The following PRKN variants were observed in gnomAD, a reference collection of about 807,000 sequenced individuals.
PRKN encodes E3 ubiquitin-protein ligase parkin.
Under a neutral mutation model 59.5 loss-of-function variants are expected in PRKN, and 56 were observed. That is an observed-to-expected ratio of 0.94 (90% CI 0.76 to 1.18). PRKN has a LOEUF of 1.18. Ranked by LOEUF, PRKN falls within the 50% of genes most tolerant of loss-of-function variation. The pLI is 0.00. For missense variants in PRKN, 657 were observed against 596.4 expected (o/e 1.10, Z -1.06); for synonymous variants, 250 against 222.1 (o/e 1.13, Z -1.12).
intron 4 of PRKN, among the ~76,000 whole-genome samples, chr6:162,089,226 A>T (rs1476570169): frequency 6.6e-6 from 1 of 152,198 alleles, no homozygotes; most frequent in Non-Finnish European, 1.5e-5. Context: ...CCCAATTAAA[A>T]AATGGGCAAA....
At chr6:162,451,545 T>C (rs1362933959) in intron 1 of PRKN, among the ~76,000 whole-genome samples, 1 of 151,544 alleles carries the variant, frequency 6.6e-6, no homozygotes, top group Non-Finnish European at 1.5e-5. Flanking sequence ...AGCAATACAG[T>C]GAGACCTTAG....
chr6:162,424,488 C>A (rs1034120792), intron 2 of PRKN, among the ~76,000 whole-genome samples: 2 of 152,084 alleles, frequency 1.3e-5, no homozygotes, highest in African/African-American at 4.8e-5. Context: ...GTAATCCCAG[C>A]ACTTTGGGAG....
intron 1 of PRKN, among the ~76,000 whole-genome samples, chr6:162,586,262 G>T (rs1268956477): frequency 6.6e-6 from 1 of 152,146 alleles, no homozygotes; most frequent in East Asian, 1.9e-4. Context: ...TTCTAACTAC[G>T]TGATAAAGCA....
chr6:161,995,331 G>C lies in PRKN; in HGVS notation c.619-21914C>G, dbSNP rs138567940. ...GTATAGAACTACTAGAAGAAAACAA[G>C]GAAAACATTCAGGACATTGGTCTAG... On this transcript the variant is annotated intron_variant, in intron 5 of 11. Coordinates refer to ENST00000366898, the MANE Select transcript of PRKN (RefSeq NM_004562.3). Among the ~76,000 whole-genome samples, 88 of 152,164 alleles carry C rather than the reference G, an allele frequency of 5.8e-4. 2 individuals are homozygous for C. In the East Asian group the frequency reaches 0.012, roughly 20 times the overall value.
chr6:162,158,684 G>T (rs1011731105), intron 4 of PRKN, among the ~76,000 whole-genome samples: 1 of 151,950 alleles, frequency 6.6e-6, no homozygotes, highest in Non-Finnish European at 1.5e-5. Context: ...GCCCGCCTTG[G>T]CCTTCCAAAG....
chr6:161,902,576 T>TTTTTTTTTTTTTTTTC (rs1777973713), intron 6 of PRKN, among the ~76,000 whole-genome samples: 3 of 89,702 alleles, frequency 3.3e-5, no homozygotes, highest in African/African-American at 4.0e-5. Flanking sequence ...TTTTTTTTTT[T>TTTTTTTTTTTTTTTTC]TGCGACAGAG....
At position 162,307,409 on chromosome 6, in the gene PRKN, A is replaced by C. The variant is rs533235211; in HGVS notation, c.172-44644T>G. 3.3e-5 allele frequency among the ~76,000 whole-genome samples: 5 copies of C among 151,040 alleles called. No individual in the cohort carries two copies. The South Asian group carries it at 1.0e-3, about 31-fold the overall frequency. ...AGAGACACCGTCTCAATAAAAAAAA[A>C]AAAAAAAAACACCAACTAGATATAA... is the stretch of plus-strand genomic sequence containing the variant. On this transcript the variant is annotated intron_variant, in intron 2 of 11. Transcript: ENST00000366898.
chr6:161,489,648 C>CT (rs35040781), intron 9 of PRKN, among the ~76,000 whole-genome samples: 6 of 150,230 alleles, frequency 4.0e-5, no homozygotes, highest in African/African-American at 7.3e-5. Flanking sequence ...ATACTTGGAA[C>CT]TTTTTTTTTT....
chr6:161,987,078 C>A (rs1473737908), intron 5 of PRKN, among the ~76,000 whole-genome samples: 1 of 152,190 alleles, frequency 6.6e-6, no homozygotes, highest in East Asian at 1.9e-4. Flanking sequence ...GCAGGCAGCA[C>A]AAGCCATCAT....
At chr6:161,869,294 G>T (rs1304071631) in intron 6 of PRKN, among the ~76,000 whole-genome samples, 2 of 151,986 alleles carry the variant, frequency 1.3e-5, no homozygotes, top group Admixed American at 1.3e-4. Context: ...CAGGAGAATT[G>T]CTGGAACTCA....
At chr6:162,421,689 C>T (rs1022808764) in intron 2 of PRKN, among the ~76,000 whole-genome samples, 2 of 152,040 alleles carry the variant, frequency 1.3e-5, no homozygotes, top group Admixed American at 6.6e-5. Flanking sequence ...AGAAGAACAA[C>T]GCATTACAGG....
chr6:161,641,251 T>C (rs1460408256), intron 7 of PRKN, among the ~76,000 whole-genome samples: 1 of 152,254 alleles, frequency 6.6e-6, no homozygotes, highest in Non-Finnish European at 1.5e-5. Context: ...TTAGGAGTCA[T>C]GCAGCTGGAG....
chr6:162,587,205 C>A (rs992996081), intron 1 of PRKN, among the ~76,000 whole-genome samples: 1 of 152,162 alleles, frequency 6.6e-6, no homozygotes, highest in Non-Finnish European at 1.5e-5. Context: ...GGCGCAATCT[C>A]GGCTCATTCA....
At chr6:162,441,706 CT>C (rs1790061589) in intron 2 of PRKN, among the ~76,000 whole-genome samples, 2 of 152,230 alleles carry the variant, frequency 1.3e-5, no homozygotes, top group South Asian at 4.2e-4. Flanking sequence ...TTTGGATCCC[CT>C]GAGAAGCCTA....
chr6:162,405,312 T>C (rs1788004270), intron 2 of PRKN, among the ~76,000 whole-genome samples: 1 of 152,222 alleles, frequency 6.6e-6, no homozygotes, highest in Admixed American at 6.5e-5. Flanking sequence ...CTATGTCCAG[T>C]CACAGAGACC....
chr6:162,630,602 A>G (rs1783074969), intron 1 of PRKN, among the ~76,000 whole-genome samples: 2 of 152,148 alleles, frequency 1.3e-5, no homozygotes, highest in African/African-American at 4.8e-5. Context: ...AACTGATTCT[A>G]TCATGAATCT....
At chr6:162,360,900 A>T (rs150944299) in intron 2 of PRKN, among the ~76,000 whole-genome samples, 3 of 152,358 alleles carry the variant, frequency 2.0e-5, no homozygotes, top group African/African-American at 7.2e-5. Context: ...TTGAGAGACA[A>T]CATGGATGAA....
chr6:162,040,352 T>C (rs916682068), intron 5 of PRKN, among the ~76,000 whole-genome samples: 3 of 152,080 alleles, frequency 2.0e-5, no homozygotes, highest in Admixed American at 2.0e-4. Context: ...TTTCTGTTCT[T>C]AGAAACAAGT....
chr6:161,675,415 G>A (rs1274653801), intron 7 of PRKN, among the ~76,000 whole-genome samples: 1 of 152,130 alleles, frequency 6.6e-6, no homozygotes, highest in East Asian at 1.9e-4. Context: ...AACAACAAAT[G>A]CATCCTTTAT....
Sources: gnomAD v4.1 joint callset for allele counts (sites outside exome capture counted in the v4.1 genomes callset) on GRCh38, gnomAD v4.1.1 for gene constraint, MANE v1.5 for transcripts, NCBI Gene and HGNC (gene_info 2026-07-23, HGNC 2026-07-21) for gene names.